MAN1C1: variants seen among roughly 807,000 people sequenced by gnomAD.
The protein encoded by MAN1C1 is mannosidase alpha class 1C member 1.
A neutral mutation model predicts 71.5 loss-of-function variants in MAN1C1; 49 were observed. The ratio of observed to expected loss-of-function variants is 0.69; its 90% CI spans 0.54 to 0.87. The LOEUF (loss-of-function observed/expected upper bound fraction) is 0.87, where lower values mean the gene tolerates loss of function less well. MAN1C1 is among the 40% of genes least tolerant of loss of function. The pLI is 0.00. For synonymous variants in MAN1C1, 352 were observed against 343.7 expected (o/e 1.02, Z -0.27); for missense variants, 743 against 835.0 (o/e 0.89, Z 1.36).
At position 25,746,168 on chromosome 1, in the gene MAN1C1, G is replaced by C. The variant is rs139208400; in HGVS notation, c.638-500G>C. Among the ~76,000 whole-genome samples the C allele has an allele frequency of 2.0e-5, 3 of 152,200 alleles. No homozygotes were observed. The highest frequency in any genetic ancestry group is 4.4e-5 in the Non-Finnish European group (3 of 68,006). On this transcript the variant is annotated intron_variant, in intron 2 of 11. Coordinates refer to ENST00000374332, the MANE Select transcript of MAN1C1 (RefSeq NM_020379.4). This position sits in a 1 kb window ranked among gnomAD's most constrained non-coding sequence, Gnocchi z 4.0. ...AAAAATACAAAAATTATCTGGGCGTGGTGGTGGACACCTGTGGTCCCAGCT... is the reference window on the plus strand; with the variant it reads ...AAAAATACAAAAATTATCTGGGCGTCGTGGTGGACACCTGTGGTCCCAGCT...
chr1:25,650,012 A>T (rs1572120594), intron 1 of MAN1C1, among the ~76,000 whole-genome samples: 1 of 152,010 alleles, frequency 6.6e-6, no homozygotes, highest in Non-Finnish European at 1.5e-5. Context: ...TCCCGAGAAG[A>T]CCTTTAGCCA....
intron 1 of MAN1C1, among the ~76,000 whole-genome samples, chr1:25,641,525 A>G (rs902669146): frequency 6.6e-6 from 1 of 152,354 alleles, no homozygotes; most frequent in African/African-American, 2.4e-5. Context: ...AGACCAGGGT[A>G]TCTACCCTTT....
Position 25,778,168 on chromosome 1 carries a change from G to A in MAN1C1, c.1321G>A (p.Gly441Arg). 6.2e-7 allele frequency: 1 copy of A among 1,609,396 alleles called. No homozygotes were observed. The highest frequency in any genetic ancestry group is 8.5e-7 in the Non-Finnish European group (1 of 1,177,066). Residue 441 changes from glycine to arginine, a missense_variant, in exon 9 of 12, where the codon GGG becomes AGG. Coordinates refer to ENST00000374332, the MANE Select transcript of MAN1C1 (RefSeq NM_020379.4). The surrounding 1 kb of genome is among the most constrained non-coding windows in gnomAD (Gnocchi z 5.5). ...GGLTYIAEWRGGILDHKMGHL... is the reference protein window; with the variant it reads ...GGLTYIAEWRRGILDHKMGHL... The stretch of plus-strand genomic sequence containing the variant: ...GCTGACCTACATTGCCGAGTGGCGA[G>A]GGGGGATTCTGGACCACAAGATGGG...
rs554743730 is a variant in MAN1C1, at chr1:25,694,909, A to C, written c.637+8373A>C. The stretch of plus-strand genomic sequence containing the variant: ...GCTGAGTGAAATTGGGCAAGTCACA[A>C]ACTTCTCTGAACCTCAGTCTACTCA... On this transcript the variant is annotated intron_variant, in intron 2 of 11. Coordinates refer to ENST00000374332, the MANE Select transcript of MAN1C1 (RefSeq NM_020379.4). Among the ~76,000 whole-genome samples, 399 of 152,298 alleles carry C rather than the reference A, an allele frequency of 2.6e-3. 1 individual carries two copies. The highest frequency in any genetic ancestry group is 8.4e-3 in the African/African-American group (351 of 41,556).
intron 2 of MAN1C1, among the ~76,000 whole-genome samples, chr1:25,698,119 G>A (rs920091260): frequency 1.3e-5 from 2 of 152,218 alleles, no homozygotes; most frequent in African/African-American, 4.8e-5. Flanking sequence ...AATCAGTGAA[G>A]TCTTCCTTCA....
chr1:25,699,004 C>A (rs2124210987), intron 2 of MAN1C1, among the ~76,000 whole-genome samples: 1 of 149,832 alleles, frequency 6.7e-6, no homozygotes, highest in South Asian at 2.1e-4. Context: ...AGACTGGAAG[C>A]ATGAATGAAG....
chr1:25,745,525 T>G (rs1443945112), intron 2 of MAN1C1, among the ~76,000 whole-genome samples: 6 of 151,944 alleles, frequency 3.9e-5, no homozygotes, highest in Admixed American at 3.9e-4. Flanking sequence ...GCAATTTACT[T>G]AAAAAGAAAG....
chr1:25,619,682 G>C (rs1167308072), intron 1 of MAN1C1, among the ~76,000 whole-genome samples: 1 of 152,204 alleles, frequency 6.6e-6, no homozygotes, highest in East Asian at 1.9e-4. Flanking sequence ...CCAGATTCCT[G>C]TTGAAATCTC....
At chr1:25,653,834 A>G (rs150632394) in intron 1 of MAN1C1, among the ~76,000 whole-genome samples, 3 of 152,280 alleles carry the variant, frequency 2.0e-5, no homozygotes, top group Non-Finnish European at 4.4e-5. Flanking sequence ...CTTGCCATCC[A>G]TCTTCTCCAG....
chr1:25,686,304 A>G, intron 1 of MAN1C1, 136 bp from the exon 2 acceptor site: 1 of 723,396 alleles, frequency 1.4e-6, no homozygotes, highest in Admixed American at 2.2e-5. Context: ...CGAGGAAGTC[A>G]CTTTCTCCAA....
chr1:25,672,554 A>G (rs1051239046), intron 1 of MAN1C1, among the ~76,000 whole-genome samples: 1 of 152,048 alleles, frequency 6.6e-6, no homozygotes, highest in South Asian at 2.1e-4. Context: ...TCTTTTTCAC[A>G]TCTCATCACT....
rs2045375196 is a variant in MAN1C1, at chr1:25,631,242, A to G, written c.540+12905A>G. The stretch of plus-strand genomic sequence containing the variant: ...CTCAGCCTCCCAAAGTGCTAGGATT[A>G]CAGGCATGAGCCACCGCACCCAGCC... On this transcript the variant is annotated intron_variant, in intron 1 of 11. Transcript: ENST00000374332. The surrounding 1 kb of genome is among the most constrained non-coding windows in gnomAD (Gnocchi z 4.2). 6.6e-6 allele frequency among the ~76,000 whole-genome samples: 1 copy of G among 152,218 alleles called. No individual in the cohort carries two copies. Among genetic ancestry groups the G allele is most frequent in the Admixed American group, 6.5e-5 (1 of 15,278 alleles).
chr1:25,670,899 TG>T (rs1483516539), intron 1 of MAN1C1, among the ~76,000 whole-genome samples: 1 of 152,138 alleles, frequency 6.6e-6, no homozygotes, highest in Non-Finnish European at 1.5e-5. Flanking sequence ...TTTTTTGAGA[TG>T]GGGTCTTACT....
At chr1:25,783,568 A>G (rs2047726427) in intron 11 of MAN1C1, 95 bp from the exon 12 acceptor site, 16 of 1,423,382 alleles carry the variant, frequency 1.1e-5, no homozygotes, top group African/African-American at 4.2e-5. Context: ...CCATAGGCCT[A>G]TCACAAAGGC....
intron 1 of MAN1C1, among the ~76,000 whole-genome samples, chr1:25,659,515 A>G (rs1455057209): frequency 6.6e-6 from 1 of 152,214 alleles, no homozygotes; most frequent in Non-Finnish European, 1.5e-5. Flanking sequence ...CCTGGGGGAG[A>G]TTATGGAGCC....
At chr1:25,652,697 T>A (rs1557749896) in intron 1 of MAN1C1, among the ~76,000 whole-genome samples, 2 of 152,214 alleles carry the variant, frequency 1.3e-5, no homozygotes, top group Admixed American at 6.5e-5. Flanking sequence ...GCAAAATTAC[T>A]CAACCTCTGC....
intron 7 of MAN1C1, among the ~76,000 whole-genome samples, chr1:25,765,563 C>T (rs531991395): frequency 6.6e-6 from 1 of 152,322 alleles, no homozygotes; most frequent in East Asian, 1.9e-4. Flanking sequence ...CTCTTTGAAC[C>T]TTGGTTTCCT....
rs920397205 is a variant in MAN1C1, at chr1:25,648,533, A to G, written c.540+30196A>G. Reference sequence around the variant, plus strand: ...CTCTGGTCACATATGAAATGGATCTATTTTACCCAGCTCTGTCAAGGCCAT... The same window carrying G: ...CTCTGGTCACATATGAAATGGATCTGTTTTACCCAGCTCTGTCAAGGCCAT... On this transcript the variant is annotated intron_variant, in intron 1 of 11. Transcript: ENST00000374332. Among the ~76,000 whole-genome samples the G allele has an allele frequency of 3.9e-5, 6 of 152,144 alleles. No homozygotes were observed. In the South Asian group the frequency reaches 6.2e-4, roughly 16 times the overall value.
intron 2 of MAN1C1, among the ~76,000 whole-genome samples, chr1:25,729,608 T>C (rs1218645485): frequency 6.6e-6 from 1 of 151,012 alleles, no homozygotes; most frequent in African/African-American, 2.4e-5. Context: ...GCCTCCAGGG[T>C]TCAAGCAATT....
Sources: gnomAD v4.1 joint callset for allele counts (sites outside exome capture counted in the v4.1 genomes callset) on GRCh38, gnomAD v4.1.1 for gene constraint, Gnocchi (gnomAD v3.1) non-coding constraint, MANE v1.5 for transcripts, NCBI Gene and HGNC (gene_info 2026-07-23, HGNC 2026-07-21) for gene names.